Variants in NRXN3 observed in about 807,000 individuals in gnomAD.
The protein encoded by NRXN3 is neurexin 3.
In NRXN3, 32 loss-of-function variants were observed where a neutral mutation model predicts 137.6. That is an observed-to-expected ratio of 0.23 (90% CI 0.18 to 0.31). The LOEUF is 0.31. Among genes scored for constraint, NRXN3 ranks in the 10% least tolerant of loss-of-function variants. The pLI is 1.00. For missense variants in NRXN3, 1,574 were observed against 2,062.5 expected (o/e 0.76, Z 4.59); for synonymous variants, 798 against 784.5 (o/e 1.02, Z -0.29).
intron 15 of NRXN3, among the ~76,000 whole-genome samples, chr14:79,282,536 A>C (rs936426947): frequency 6.6e-6 from 1 of 152,130 alleles, no homozygotes; most frequent in Admixed American, 6.5e-5. Context: ...TGAGCCTTGC[A>C]CAGGTTAAAC....
At chr14:79,822,791 G>A (rs2049831) in intron 20 of NRXN3, among the ~76,000 whole-genome samples, 84,307 of 151,744 alleles carry the variant, frequency 0.56, 23,410 homozygotes, top group South Asian at 0.64. Context: ...ATAGATTAAA[G>A]GCACAAAATA....
intron 16 of NRXN3, among the ~76,000 whole-genome samples, chr14:79,481,418 C>T: frequency 6.6e-6 from 1 of 152,156 alleles, no homozygotes; most frequent in South Asian, 2.1e-4. Flanking sequence ...ATAGAGTGTA[C>T]TTACACAAAC....
At chr14:78,579,054 G>A (rs976216872) in intron 4 of NRXN3, among the ~76,000 whole-genome samples, 6 of 152,092 alleles carry the variant, frequency 3.9e-5, no homozygotes, top group African/African-American at 1.4e-4. Context: ...AGCTAGAGAG[G>A]GTTTAGGTAT....
In NRXN3 at chr14:78,820,594, A is replaced by C. The variant is rs1198783084; in HGVS notation, c.2275+10250A>C. Among the ~76,000 whole-genome samples the C allele has an allele frequency of 2.0e-5, 3 of 152,132 alleles. No individual in the cohort carries two copies. In the South Asian group the frequency reaches 6.2e-4, roughly 32 times the overall value. On this transcript the variant is annotated intron_variant, in intron 10 of 20. Coordinates refer to ENST00000335750, the MANE Select transcript of NRXN3 (RefSeq NM_001330195.2). ...GCTGTTTCAGAGGAAATCTGACTAT[A>C]TAATATCTGTTCAGAAAATCATTGT... is the stretch of plus-strand genomic sequence containing the variant.
intron 19 of NRXN3, among the ~76,000 whole-genome samples, chr14:79,764,162 GGGT>G (rs140345816): frequency 0.37 from 49,933 of 134,030 alleles, 8,782 homozygotes; most frequent in Middle Eastern, 0.46. Flanking sequence ...TTCTTTTGGT[GGGT>G]GGGGGGGGTG....
In NRXN3 at chr14:78,436,839, A is replaced by G. The variant is rs552036930; in HGVS notation, c.757+138979A>G. Among the ~76,000 whole-genome samples, 6 of 152,260 alleles carry G rather than the reference A, an allele frequency of 3.9e-5. No individual in the cohort carries two copies. In the South Asian group the frequency reaches 1.2e-3, roughly 32 times the overall value. On this transcript the variant is annotated intron_variant, in intron 4 of 20. Transcript: ENST00000335750. ...AAAAACCACCACAGGAATCATGGCC[A>G]TCATTTATTTAGCTCTTATGTGCAG...
intron 15 of NRXN3, chr14:79,280,082 G>T: frequency 1.4e-6 from 2 of 1,386,058 alleles, no homozygotes; most frequent in Non-Finnish European, 1.9e-6. Context: ...AAAGAGAAGG[G>T]GCTTTTTGCC....
chr14:78,838,960 G>A (rs2099004664), intron 10 of NRXN3, among the ~76,000 whole-genome samples: 1 of 152,138 alleles, frequency 6.6e-6, no homozygotes, highest in African/African-American at 2.4e-5. Flanking sequence ...GCTCATTTAG[G>A]TTATTTGCTG....
chr14:78,548,348 C>T (rs1456726472), intron 4 of NRXN3, among the ~76,000 whole-genome samples: 1 of 152,054 alleles, frequency 6.6e-6, no homozygotes, highest in Admixed American at 6.6e-5. Flanking sequence ...GAGAAGGTGG[C>T]TTTGAGCTAT....
chr14:79,384,541 C>T (rs933684032), intron 15 of NRXN3, among the ~76,000 whole-genome samples: 7 of 152,116 alleles, frequency 4.6e-5, no homozygotes, highest in African/African-American at 1.7e-4. Context: ...AACCATCTTA[C>T]CCCAGGAGAG....
At chr14:78,543,294 AT>A (rs891790911) in intron 4 of NRXN3, among the ~76,000 whole-genome samples, 139 of 152,288 alleles carry the variant, frequency 9.1e-4, no homozygotes, top group African/African-American at 3.2e-3. Flanking sequence ...ACCTCCTGAT[AT>A]TTTATGTAAA....
At position 79,861,736 on chromosome 14, in the gene NRXN3, A is replaced by C. The variant is rs1378711511; in HGVS notation, c.4488A>C (p.Thr1496=). Residue 1496 remains threonine, a synonymous_variant, in exon 21 of 21, where the codon ACA becomes ACC. Coordinates refer to ENST00000335750, the MANE Select transcript of NRXN3 (RefSeq NM_001330195.2). This position sits in a 1 kb window ranked among gnomAD's most constrained non-coding sequence, Gnocchi z 5.4. ...TGATCCGGGAGTCGAGCAGCACAAC[A>C]GGGATGGTCGTCGGCATTGTGGCTG... ...SEVIRESSST[T]GMVVGIVAAA... is the part of the protein sequence containing the mutation. 1 of 1,613,930 alleles carries C rather than the reference A, an allele frequency of 6.2e-7. No homozygotes were observed. The highest frequency in any genetic ancestry group is 8.5e-7 in the Non-Finnish European group (1 of 1,179,940).
chr14:79,572,418 T>G lies in NRXN3; in HGVS notation c.3445-91360T>G, dbSNP rs12586370. On this transcript the variant is annotated intron_variant, in intron 16 of 20. Coordinates refer to ENST00000335750, the MANE Select transcript of NRXN3 (RefSeq NM_001330195.2). ...ACAATATTAATGAACTTATTTTTAA[T>G]TCCCATCACTTTCATTTTTATAGAA... Among the ~76,000 whole-genome samples, 155 of 152,336 alleles carry G rather than the reference T, an allele frequency of 1.0e-3. 3 individuals carry two copies. The East Asian group carries it at 0.026, about 25-fold the overall frequency.
chr14:79,446,179 G>A (rs1448480166), intron 15 of NRXN3, among the ~76,000 whole-genome samples: 1 of 152,128 alleles, frequency 6.6e-6, no homozygotes, highest in Non-Finnish European at 1.5e-5. Context: ...GGGATGAAGT[G>A]CTGGAAATTT....
chr14:79,330,979 T>C (rs2091604264), intron 15 of NRXN3, among the ~76,000 whole-genome samples: 1 of 152,166 alleles, frequency 6.6e-6, no homozygotes, highest in African/African-American at 2.4e-5. Flanking sequence ...AATGAAACTT[T>C]TATTTTGGCT....
intron 15 of NRXN3, among the ~76,000 whole-genome samples, chr14:79,157,938 A>C (rs763266840): frequency 6.6e-6 from 1 of 151,806 alleles, no homozygotes; most frequent in Admixed American, 6.6e-5. Context: ...GACTGTTTGC[A>C]TATTGTTTTT....
chr14:79,431,875 C>A (rs1051353572), intron 15 of NRXN3, among the ~76,000 whole-genome samples: 30 of 152,098 alleles, frequency 2.0e-4, no homozygotes, highest in Admixed American at 3.3e-4. Flanking sequence ...TCTTTTTACT[C>A]CATTAATTTC....
chr14:79,509,003 T>G, intron 16 of NRXN3, among the ~76,000 whole-genome samples: 1 of 151,868 alleles, frequency 6.6e-6, no homozygotes, highest in Admixed American at 6.6e-5. Flanking sequence ...GAGATCAGCC[T>G]GGCCAACATG....
chr14:78,805,902 G>A (rs2098863708), intron 9 of NRXN3, among the ~76,000 whole-genome samples: 1 of 152,078 alleles, frequency 6.6e-6, no homozygotes, highest in African/African-American at 2.4e-5. Context: ...GGAAATAAGT[G>A]TACAGATTCT....
Sources: gnomAD v4.1 joint callset for allele counts (sites outside exome capture counted in the v4.1 genomes callset) on GRCh38, gnomAD v4.1.1 for gene constraint, Gnocchi (gnomAD v3.1) non-coding constraint, MANE v1.5 for transcripts, NCBI Gene and HGNC (gene_info 2026-07-23, HGNC 2026-07-21) for gene names.